The following ATP9B variants were observed in gnomAD, a reference collection of about 807,000 sequenced individuals.
The protein encoded by ATP9B is probable phospholipid-transporting ATPase IIB.
Under a neutral mutation model 146.1 loss-of-function variants are expected in ATP9B, and 110 were observed. The ratio of observed to expected loss-of-function variants is 0.75; its 90% confidence interval spans 0.65 to 0.88. The LOEUF is 0.88. Ranked by LOEUF, ATP9B falls within the 40% of genes least tolerant of loss-of-function variation. The probability of loss-of-function intolerance (pLI) is 0.00; values close to 1 mark genes in which losing one functional copy is unlikely to be tolerated. For missense variants in ATP9B, 1,499 were observed against 1,496.4 expected, an observed-to-expected ratio of 1.00 and a Z score of -0.03; for synonymous variants, 604 against 569.7, an observed-to-expected ratio of 1.06 and a Z score of -0.86.
At chr18:79,197,939 A>T (rs2095431697) in intron 9 of ATP9B, among the ~76,000 whole-genome samples, 1 of 152,226 alleles carries the variant, frequency 6.6e-6, no homozygotes, top group African/African-American at 2.4e-5. Flanking sequence ...GTAGTTTATT[A>T]AGACTATAGA....
chr18:79,313,787 T>C (rs1387346465), intron 15 of ATP9B, among the ~76,000 whole-genome samples: 1 of 152,194 alleles, frequency 6.6e-6, no homozygotes, highest in Non-Finnish European at 1.5e-5. Context: ...TAAAATGTCT[T>C]TCTACTTGGG....
At chr18:79,238,857 C>T (rs556333627) in intron 11 of ATP9B, among the ~76,000 whole-genome samples, 4 of 151,588 alleles carry the variant, frequency 2.6e-5, no homozygotes, top group East Asian at 3.9e-4. Context: ...GACGCGGACG[C>T]AGTGAAGCGG....
chr18:79,306,040 G>C (rs990045723), intron 14 of ATP9B, among the ~76,000 whole-genome samples: 3 of 152,260 alleles, frequency 2.0e-5, no homozygotes, highest in Non-Finnish European at 4.4e-5. Context: ...AGCGTGAGCA[G>C]GCGCAGATGG....
chr18:79,154,543 T>A lies in ATP9B; in HGVS notation c.766T>A (p.Ser256Thr). 1 of 1,530,616 alleles carries A rather than the reference T, an allele frequency of 6.5e-7. No individual in the cohort carries two copies. Among genetic ancestry groups the A allele is most frequent in the Non-Finnish European group, 8.7e-7 (1 of 1,146,538 alleles). The allele number at this position is 1,530,616 out of a possible 1,614,324, so 94.8% of individuals were successfully genotyped here. ...ATCGGACATGGTGTTTCTTAGGACT[T>A]CAGAAAAAGCAGGTATTTTTACATT... ...IPSDMVFLRT[S>T]EKAGSCFIRT... The change falls in exon 7 of 30, where the codon TCA becomes ACA. Residue 256 changes from serine (S) to threonine (T), a missense_variant. Transcript: ENST00000426216.
At chr18:79,208,101 C>T (rs1334833149) in intron 10 of ATP9B, among the ~76,000 whole-genome samples, 4 of 152,140 alleles carry the variant, frequency 2.6e-5, no homozygotes, top group East Asian at 1.9e-4. Flanking sequence ...AAAAATTAGC[C>T]GGGCGTGGTG....
At chr18:79,364,756 TATC>T (rs529668394) in intron 26 of ATP9B, among the ~76,000 whole-genome samples, 1 of 152,184 alleles carries the variant, frequency 6.6e-6, no homozygotes, top group Non-Finnish European at 1.5e-5. Context: ...TGCAGTGGCT[TATC>T]ATGCCTGTAA....
intron 2 of ATP9B, among the ~76,000 whole-genome samples, chr18:79,101,844 A>AT (rs1356887640): frequency 2.6e-5 from 4 of 151,794 alleles, no homozygotes; most frequent in African/African-American, 4.8e-5. Flanking sequence ...GTTGTTTATT[A>AT]TTTTTTTCTT....
chr18:79,132,414 C>T (rs1361943299), intron 5 of ATP9B, among the ~76,000 whole-genome samples: 1 of 152,150 alleles, frequency 6.6e-6, no homozygotes, highest in East Asian at 1.9e-4. Context: ...TTGATGTGCT[C>T]TCCGAGTTCT....
chr18:79,249,452 CAATG>C (rs1161812689), intron 11 of ATP9B, among the ~76,000 whole-genome samples: 1 of 152,138 alleles, frequency 6.6e-6, no homozygotes, highest in Non-Finnish European at 1.5e-5. Context: ...TAGGAGATGA[CAATG>C]AATGTTGAAA....
chr18:79,174,564 A>C (rs953517409), intron 7 of ATP9B, among the ~76,000 whole-genome samples: 8 of 147,212 alleles, frequency 5.4e-5, no homozygotes, highest in Non-Finnish European at 1.2e-4. Context: ...GTTTTCTTCT[A>C]AAACAATTCC....
intron 24 of ATP9B, 56 bp from the exon 25 acceptor site, chr18:79,348,076 G>T: frequency 6.2e-7 from 1 of 1,606,310 alleles, no homozygotes; most frequent in East Asian, 2.2e-5. Context: ...AGAGGCTTGG[G>T]GCCACAGGTG....
At chr18:79,264,993 A>T (rs1374107685) in intron 12 of ATP9B, among the ~76,000 whole-genome samples, 2 of 152,188 alleles carry the variant, frequency 1.3e-5, no homozygotes, top group Admixed American at 1.3e-4. Context: ...TTTGTTGTAC[A>T]GATTATTTCA....
intron 7 of ATP9B, among the ~76,000 whole-genome samples, chr18:79,168,146 C>T (rs1157856548): frequency 6.6e-6 from 1 of 152,192 alleles, no homozygotes; most frequent in Non-Finnish European, 1.5e-5. Context: ...CTGCTGCCAT[C>T]ACATTGACCA....
intron 5 of ATP9B, among the ~76,000 whole-genome samples, chr18:79,133,511 A>ACG (rs1275010351): frequency 1.9e-5 from 2 of 105,290 alleles, no homozygotes; most frequent in Non-Finnish European, 4.2e-5. Context: ...GGTTATAAAC[A>ACG]CACACACACA....
At chr18:79,340,856 A>G (rs982472067) in intron 19 of ATP9B, among the ~76,000 whole-genome samples, 4 of 152,222 alleles carry the variant, frequency 2.6e-5, no homozygotes, top group Non-Finnish European at 5.9e-5. Flanking sequence ...TTCCAACTAA[A>G]AAACTAGCAA....
rs492019 is a variant in ATP9B, at chr18:79,358,880, T to C, written c.2904-474T>C. ...GGGGTGCCCTGGGTCTGGAGGTGTC[T>C]GTGTGAGGGACTCTGTGTGAGGGGT... On this transcript the variant is annotated intron_variant, in intron 25 of 29. Transcript: ENST00000426216. 3.1e-3 allele frequency among the ~76,000 whole-genome samples: 305 copies of C among 98,374 alleles called. 3 individuals carry two copies. The highest frequency in any genetic ancestry group is 0.012 in the African/African-American group (282 of 23,966). 64.5% of individuals were successfully genotyped at this position (98,374 alleles called of 152,430 possible).
chr18:79,221,625 G>A lies in ATP9B; in HGVS notation c.1107+7587G>A, dbSNP rs547556026. ...ATTCCCAGCTACGCAAGAGGCTGAC[G>A]TGGGAGGATCACCTGAGCCCAGGAG... On this transcript the variant is annotated intron_variant, in intron 11 of 29. Transcript: ENST00000426216. Among the ~76,000 whole-genome samples the A allele has an allele frequency of 5.9e-5, 9 of 152,266 alleles. No homozygotes were observed. In the East Asian group the frequency reaches 1.5e-3, roughly 26 times the overall value.
At chr18:79,070,760 T>C (rs1470923839) in intron 1 of ATP9B, among the ~76,000 whole-genome samples, 1 of 152,196 alleles carries the variant, frequency 6.6e-6, no homozygotes, top group East Asian at 1.9e-4. Context: ...TTAATGTTCC[T>C]CTGTCTCTGG....
At position 79,337,338 on chromosome 18, in the gene ATP9B, A is replaced by C; in HGVS notation, c.2172A>C (p.Val724=). Reference sequence around the variant, plus strand: ...ACAGGTCCCTCAAGGTGGCCGCGGTAGTCGAGAGCCTGGAGAGGGAGATGG... The same window carrying C: ...ACAGGTCCCTCAAGGTGGCCGCGGTCGTCGAGAGCCTGGAGAGGGAGATGG... ...MHDRSLKVAA[V]VESLEREMEL... is the part of the protein sequence containing the mutation. The change falls in exon 19 of 30, where the codon GTA becomes GTC. Residue 724 remains valine, a synonymous_variant. Transcript: ENST00000426216. The C allele has an allele frequency of 6.2e-7, 1 of 1,614,138 alleles. No individual in the cohort carries two copies. The highest frequency in any genetic ancestry group is 8.5e-7 in the Non-Finnish European group (1 of 1,180,028).
Sources: allele counts gnomAD v4.1 joint callset (sites outside exome capture counted in the v4.1 genomes callset), GRCh38; gene constraint gnomAD v4.1.1; transcripts MANE v1.5; gene names NCBI Gene and HGNC (gene_info 2026-07-23, HGNC 2026-07-21).